The following KCNIP1 variants were observed in gnomAD, a reference collection of about 807,000 sequenced individuals.
KCNIP1 encodes potassium voltage-gated channel interacting protein 1.
In KCNIP1, 18 loss-of-function variants were observed where a neutral mutation model predicts 33.0. The observed-to-expected ratio is 0.55, with a 90% confidence interval of 0.38 to 0.81. The LOEUF (loss-of-function observed/expected upper bound fraction) is 0.81. KCNIP1 is among the 30% of genes least tolerant of loss of function. KCNIP1 has a pLI of 0.00. For missense variants in KCNIP1, 238 were observed against 271.6 expected (o/e 0.88, Z 0.87); for synonymous variants, 93 against 98.3 (o/e 0.95, Z 0.32).
At chr5:170,366,033 C>T (rs1328413960) in intron 1 of KCNIP1, among the ~76,000 whole-genome samples, 1 of 152,192 alleles carries the variant, frequency 6.6e-6, no homozygotes, top group African/African-American at 2.4e-5. Context: ...AAATCACCCA[C>T]GTGGGCCAGA....
chr5:170,626,079 G>A (rs1342284945), intron 1 of KCNIP1, among the ~76,000 whole-genome samples: 1 of 152,220 alleles, frequency 6.6e-6, no homozygotes, highest in Non-Finnish European at 1.5e-5. Context: ...GGCCTTGCAG[G>A]TGATGGGAAG....
At chr5:170,612,875 C>T (rs1759224369) in intron 1 of KCNIP1, among the ~76,000 whole-genome samples, 1 of 152,188 alleles carries the variant, frequency 6.6e-6, no homozygotes, top group Admixed American at 6.5e-5. Context: ...TCCCAAGACC[C>T]AGTCAATCTA....
At position 170,393,429 on chromosome 5, in the gene KCNIP1, C is replaced by T. The variant is rs766649873; in HGVS notation, c.88+39465C>T. Among the ~76,000 whole-genome samples the T allele has an allele frequency of 3.3e-5, 5 of 152,302 alleles. No homozygotes were observed. In the South Asian group the frequency reaches 6.2e-4, roughly 19 times the overall value. ...GGGTGTTAGTCACTCTCAGTCCTAG[C>T]GAAGCTGTGCGTTCACAGACATCCC... On this transcript the variant is annotated intron_variant, in intron 1 of 7. Coordinates refer to the KCNIP1 transcript ENST00000377360.
intron 1 of KCNIP1, among the ~76,000 whole-genome samples, chr5:170,642,459 C>T (rs1760606085): frequency 1.3e-5 from 2 of 152,240 alleles, no homozygotes; most frequent in Non-Finnish European, 2.9e-5. Context: ...TCCCAGTACA[C>T]AATCATTAGA....
intron 1 of KCNIP1, among the ~76,000 whole-genome samples, chr5:170,536,939 G>T (rs1366292669): frequency 3.9e-5 from 6 of 152,168 alleles, no homozygotes; most frequent in Admixed American, 3.9e-4. Flanking sequence ...TCAAACATGG[G>T]TAGCTCTGCT....
intron 1 of KCNIP1, among the ~76,000 whole-genome samples, chr5:170,450,762 C>T (rs1002861314): frequency 1.3e-5 from 2 of 152,174 alleles, no homozygotes; most frequent in Non-Finnish European, 2.9e-5. Flanking sequence ...CAGAATGTCT[C>T]CCCTGGCCAC....
chr5:170,734,278 T>C (rs1056974873), intron 7 of KCNIP1, among the ~76,000 whole-genome samples: 1 of 152,076 alleles, frequency 6.6e-6, no homozygotes, highest in Non-Finnish European at 1.5e-5. Flanking sequence ...ATTGTGTGAT[T>C]CTCAAACCAC....
intron 1 of KCNIP1, among the ~76,000 whole-genome samples, chr5:170,469,493 T>C (rs976496432): frequency 6.6e-5 from 10 of 152,240 alleles, no homozygotes; most frequent in Non-Finnish European, 1.3e-4. Context: ...CTCATCGCCT[T>C]TGGGGTGTGG....
chr5:170,424,735 T>C (rs1340927022), intron 1 of KCNIP1, among the ~76,000 whole-genome samples: 3 of 152,146 alleles, frequency 2.0e-5, no homozygotes, highest in Non-Finnish European at 4.4e-5. Context: ...AGCGATCTTT[T>C]AAAAGTAGAA....
At chr5:170,427,291 C>G (rs1008493846) in intron 1 of KCNIP1, among the ~76,000 whole-genome samples, 12 of 152,178 alleles carry the variant, frequency 7.9e-5, no homozygotes, top group Non-Finnish European at 1.8e-4. Context: ...CTCCTGCGGC[C>G]TCCAACGACC....
intron 1 of KCNIP1, among the ~76,000 whole-genome samples, chr5:170,631,421 A>C (rs1475732605): frequency 6.6e-6 from 1 of 152,146 alleles, no homozygotes; most frequent in Admixed American, 6.5e-5. Context: ...AACCAAGAGC[A>C]ATTCTGAGCA....
chr5:170,529,792 G>A (rs563051718), intron 1 of KCNIP1, among the ~76,000 whole-genome samples: 15 of 152,224 alleles, frequency 9.9e-5, no homozygotes, highest in African/African-American at 3.4e-4. Context: ...CTTATAAATG[G>A]CAGAGTTGGA....
chr5:170,432,580 G>C (rs1191168567), intron 1 of KCNIP1, among the ~76,000 whole-genome samples: 1 of 152,160 alleles, frequency 6.6e-6, no homozygotes, highest in African/African-American at 2.4e-5. Context: ...AGAACCACTT[G>C]GTAGCCTAAA....
In KCNIP1 at chr5:170,383,537, G is replaced by C; in HGVS notation, c.88+29573G>C. ...GTGTGACTCCAACACAGAAGAGCTA[G>C]GGCTGGCTCAGTCTCATTCCAGCTG... On this transcript the variant is annotated intron_variant, in intron 1 of 7. Coordinates refer to the KCNIP1 transcript ENST00000377360. The C allele has an allele frequency of 4.6e-6, 4 of 878,154 alleles. No individual in the cohort carries two copies. The South Asian group carries it at 5.9e-5, about 13-fold the overall frequency. The allele number at this position is 878,154 out of a possible 1,614,324, so 54.4% of individuals were successfully genotyped here.
intron 1 of KCNIP1, among the ~76,000 whole-genome samples, chr5:170,465,081 C>G (rs1057117890): frequency 1.3e-5 from 2 of 152,114 alleles, no homozygotes; most frequent in African/African-American, 4.8e-5. Flanking sequence ...GTGAGGGATC[C>G]TTCAGGAACA....
chr5:170,728,290 T>C (rs1279093636), intron 5 of KCNIP1, among the ~76,000 whole-genome samples: 3 of 152,208 alleles, frequency 2.0e-5, no homozygotes, highest in Non-Finnish European at 2.9e-5. Flanking sequence ...GAAAAGATGA[T>C]GTCTGCACAC....
intron 1 of KCNIP1, among the ~76,000 whole-genome samples, chr5:170,652,723 C>T (rs1353687033): frequency 6.6e-6 from 1 of 152,148 alleles, no homozygotes; most frequent in African/African-American, 2.4e-5. Context: ...CCTGCAGGGA[C>T]AGAGAGGGAC....
chr5:170,633,435 C>T (rs1195886503), intron 1 of KCNIP1, among the ~76,000 whole-genome samples: 1 of 150,910 alleles, frequency 6.6e-6, no homozygotes, highest in Non-Finnish European at 1.5e-5. Flanking sequence ...AAGTTGGGGA[C>T]TGGATATGCA....
chr5:170,432,497 T>C (rs1007188787), intron 1 of KCNIP1, among the ~76,000 whole-genome samples: 4 of 152,150 alleles, frequency 2.6e-5, no homozygotes, highest in African/African-American at 9.7e-5. Flanking sequence ...GAGGGTTCGG[T>C]AGAATATTCA....
Sources: gnomAD v4.1 joint callset for allele counts (sites outside exome capture counted in the v4.1 genomes callset) on GRCh38, gnomAD v4.1.1 for gene constraint, MANE v1.5 for transcripts, NCBI Gene and HGNC (gene_info 2026-07-23, HGNC 2026-07-21) for gene names.